Variants in CLNK observed in about 807,000 individuals in gnomAD.
CLNK encodes cytokine-dependent hematopoietic cell linker.
A neutral mutation model predicts 68.6 loss-of-function variants in CLNK; 74 were observed. That is an observed-to-expected ratio of 1.08 (90% CI 0.89 to 1.31). The LOEUF (loss-of-function observed/expected upper bound fraction) is 1.31, where lower values mean the gene tolerates loss of function less well. Among genes scored for constraint, CLNK ranks in the 50% most tolerant of loss-of-function variants. CLNK has a pLI of 0.00. For synonymous variants in CLNK, 198 were observed against 172.2 expected, an observed-to-expected ratio of 1.15 and a Z score of -1.17; for missense variants, 553 against 515.3, an observed-to-expected ratio of 1.07 and a Z score of -0.71.
chr4:10,615,992 A>G (rs1236492749), intron 2 of CLNK, among the ~76,000 whole-genome samples: 1 of 152,238 alleles, frequency 6.6e-6, no homozygotes, highest in East Asian at 1.9e-4. Context: ...AGTTTCAGGA[A>G]TTTTGCACGC....
chr4:10,713,745 G>A, the CLNK span, among the ~76,000 whole-genome samples: 2 of 152,026 alleles, frequency 1.3e-5, no homozygotes, highest in African/African-American at 4.8e-5. Context: ...GTTGTTAAAA[G>A]GAGCATGGCA....
chr4:10,490,985 G>C (rs892418994), intron 18 of CLNK, among the ~76,000 whole-genome samples: 2 of 152,086 alleles, frequency 1.3e-5, no homozygotes, highest in Non-Finnish European at 2.9e-5. Context: ...GACTGGTCTC[G>C]AACTCCTGAC....
In CLNK at chr4:10,564,761, C is replaced by T; in HGVS notation, c.309G>A (p.Lys103=). The T allele has an allele frequency of 6.2e-7, 1 of 1,609,942 alleles. No individual in the cohort carries two copies. The highest frequency in any genetic ancestry group is 8.5e-7 in the Non-Finnish European group (1 of 1,176,286). ...ESEYADTHYF[K]VAMDTPLPLD... is the part of the protein sequence containing the mutation. Reference sequence around the variant, plus strand: ...ACGGAAGGGGAGTGTCCATTGCAACCTTGAAATAGTGTGTATCTATGCAAA... The same window carrying T: ...ACGGAAGGGGAGTGTCCATTGCAACTTTGAAATAGTGTGTATCTATGCAAA... Residue 103 remains lysine, a synonymous_variant, in exon 7 of 19, where the codon AAG becomes AAA. Coordinates refer to ENST00000226951, the MANE Select transcript of CLNK (RefSeq NM_052964.4).
In CLNK at chr4:10,571,725, G is replaced by A; in HGVS notation, c.150+16C>T. On this transcript the variant is annotated intron_variant, in intron 5 of 18. Transcript: ENST00000226951. ...TTAAAGACGTATAAAATAGATAAGG[G>A]AAGCAGCTGACTTACCCAGTCTAGA... 2 of 1,603,978 alleles carry A rather than the reference G, an allele frequency of 1.2e-6. No homozygotes were observed. The highest frequency in any genetic ancestry group is 1.7e-6 in the Non-Finnish European group (2 of 1,171,204).
At chr4:10,688,004 C>A (rs1725330927), upstream of CLNK, among the ~76,000 whole-genome samples, 1 of 152,078 alleles carries the variant, frequency 6.6e-6, no homozygotes, top group Non-Finnish European at 1.5e-5. Context: ...TAGATCTGGG[C>A]AAGGAATTTG....
At chr4:10,657,859 A>G (rs1370947514) in intron 2 of CLNK, among the ~76,000 whole-genome samples, 2 of 152,324 alleles carry the variant, frequency 1.3e-5, no homozygotes, top group African/African-American at 2.4e-5. Context: ...AAATTCCACC[A>G]TCTATCCTAA....
chr4:10,662,318 C>T (rs1291574033), intron 2 of CLNK, among the ~76,000 whole-genome samples: 1 of 152,196 alleles, frequency 6.6e-6, no homozygotes, highest in African/African-American at 2.4e-5. Flanking sequence ...GTTCGCCATG[C>T]TTGATCTAAA....
chr4:10,709,567 C>G, the CLNK span, among the ~76,000 whole-genome samples: 1 of 152,178 alleles, frequency 6.6e-6, no homozygotes, highest in South Asian at 2.1e-4. Flanking sequence ...CTATTCCTCT[C>G]TGTAGCCAGG....
At chr4:10,716,597 C>T in the CLNK span, among the ~76,000 whole-genome samples, 2 of 151,722 alleles carry the variant, frequency 1.3e-5, no homozygotes, top group Non-Finnish European at 2.9e-5. Context: ...TCAACAAATA[C>T]TGATAGACAC....
the CLNK span, among the ~76,000 whole-genome samples, chr4:10,716,686 CTT>C: frequency 3.8e-5 from 5 of 132,918 alleles, no homozygotes; most frequent in Non-Finnish European, 4.8e-5. Flanking sequence ...AGACAGAAAA[CTT>C]TTTTTTTTTT....
the CLNK span, among the ~76,000 whole-genome samples, chr4:10,734,492 G>C: frequency 6.6e-6 from 1 of 152,132 alleles, no homozygotes; most frequent in Non-Finnish European, 1.5e-5. Flanking sequence ...TCGTGATTGA[G>C]GGAAGCATAA....
chr4:10,699,268 C>CACACACACACACCACGTATGTGTGTGT, the CLNK span, among the ~76,000 whole-genome samples: 159 of 32,384 alleles, frequency 4.9e-3, 13 homozygotes, highest in East Asian at 0.025. Flanking sequence ...TGTGTATACA[C>CACACACACACACCACGTATGTGTGTGT]ACACACACAC....
At chr4:10,591,749 T>C (rs570817248) in intron 3 of CLNK, among the ~76,000 whole-genome samples, 1 of 152,330 alleles carries the variant, frequency 6.6e-6, no homozygotes, top group Admixed American at 6.5e-5. Flanking sequence ...TTTTCAAGAT[T>C]AGAGATTGGA....
intron 2 of CLNK, among the ~76,000 whole-genome samples, chr4:10,624,513 C>T (rs1168621389): frequency 6.6e-6 from 1 of 151,436 alleles, no homozygotes; most frequent in Non-Finnish European, 1.5e-5. Context: ...AGGATGGTCT[C>T]GATCTCCTGA....
intron 2 of CLNK, among the ~76,000 whole-genome samples, chr4:10,664,043 C>T (rs1050699876): frequency 2.6e-5 from 4 of 152,092 alleles, no homozygotes; most frequent in African/African-American, 9.7e-5. Context: ...TCCTGAGTTA[C>T]CCAGTCTGAG....
At chr4:10,568,458 C>T (rs1443143961) in intron 5 of CLNK, among the ~76,000 whole-genome samples, 1 of 151,732 alleles carries the variant, frequency 6.6e-6, no homozygotes, top group African/African-American at 2.4e-5. Flanking sequence ...TGTGAATATA[C>T]AAAAAAACCA....
chr4:10,559,390 AT>A (rs143924109), intron 7 of CLNK, among the ~76,000 whole-genome samples: 5 of 151,028 alleles, frequency 3.3e-5, no homozygotes, highest in Admixed American at 2.0e-4. Flanking sequence ...TGGTTGGATT[AT>A]TTTTTTTTAT....
chr4:10,607,833 T>G (rs975719667), intron 2 of CLNK, among the ~76,000 whole-genome samples: 5 of 152,202 alleles, frequency 3.3e-5, no homozygotes, highest in Admixed American at 3.3e-4. Flanking sequence ...ATCAACTCAT[T>G]GTGTCACTGA....
intron 14 of CLNK, chr4:10,523,867 G>C: frequency 3.2e-6 from 1 of 309,804 alleles, no homozygotes; most frequent in Non-Finnish European, 6.4e-6. Context: ...TCTACAAAGA[G>C]TACAAAAATT....
Sources: gnomAD v4.1 joint callset for allele counts (sites outside exome capture counted in the v4.1 genomes callset) on GRCh38, gnomAD v4.1.1 for gene constraint, MANE v1.5 for transcripts, NCBI Gene and HGNC (gene_info 2026-07-23, HGNC 2026-07-21) for gene names.